The following MALRD1 variants were observed in gnomAD, a reference collection of about 807,000 sequenced individuals.
MALRD1 encodes MAM and LDL-receptor class A domain-containing protein 1.
In MALRD1, 247 loss-of-function variants were observed where a neutral mutation model predicts 242.1. The ratio of observed to expected loss-of-function variants is 1.02; its 90% CI spans 0.92 to 1.13. MALRD1 has a LOEUF of 1.13. MALRD1 is among the 50% of genes most tolerant of loss of function. The pLI is 0.00. For missense variants in MALRD1, 2,989 were observed against 2,533.1 expected, an observed-to-expected ratio of 1.18 and a Z score of -3.86; for synonymous variants, 995 against 866.6, an observed-to-expected ratio of 1.15 and a Z score of -2.60.
chr10:19,713,755 T>C (rs1222494023), intron 38 of MALRD1, among the ~76,000 whole-genome samples: 1 of 152,180 alleles, frequency 6.6e-6, no homozygotes, highest in Non-Finnish European at 1.5e-5. Context: ...GACACCCTCA[T>C]GGTAAAATGC....
At chr10:19,457,754 T>A (rs1175874027) in intron 29 of MALRD1, among the ~76,000 whole-genome samples, 1 of 149,258 alleles carries the variant, frequency 6.7e-6, no homozygotes. Context: ...GCCAATGATT[T>A]CAAATGGTCT....
At chr10:19,210,792 G>A (rs532569654) in intron 18 of MALRD1, among the ~76,000 whole-genome samples, 9 of 152,274 alleles carry the variant, frequency 5.9e-5, no homozygotes, top group East Asian at 1.9e-4. Flanking sequence ...GCATGAGAAC[G>A]AATCCCCCAT....
Position 19,373,235 on chromosome 10 carries a change from C to T in MALRD1, c.4442-14293C>T, listed in dbSNP as rs796606039. ...AAAAAAAAAAATAAGGGGCCGGGCA[C>T]GGTGGCTCATGCGTGTAATCCCAGC... On this transcript the variant is annotated intron_variant, in intron 26 of 39. Transcript: ENST00000454679. Among the ~76,000 whole-genome samples the T allele has an allele frequency of 3.8e-3, 411 of 107,674 alleles. 3 individuals are homozygous for T. Among genetic ancestry groups the T allele is most frequent in the African/African-American group, 0.015 (391 of 26,502 alleles). 70.6% of individuals were successfully genotyped at this position (107,674 alleles called of 152,430 possible).
chr10:19,143,984 A>C (rs1049420048), intron 10 of MALRD1, among the ~76,000 whole-genome samples: 4 of 152,196 alleles, frequency 2.6e-5, no homozygotes, highest in African/African-American at 9.7e-5. Context: ...CATATCCTAT[A>C]AATTATGTAG....
chr10:19,133,943 T>C lies in MALRD1; in HGVS notation c.1198T>C (p.Phe400Leu). 2 of 1,224,614 alleles carry C rather than the reference T, an allele frequency of 1.6e-6. No individual in the cohort carries two copies. The highest frequency in any genetic ancestry group is 2.0e-6 in the Non-Finnish European group (2 of 981,648). The allele number at this position is 1,224,614 out of a possible 1,614,324, so 75.9% of individuals were successfully genotyped here. A position where few individuals can be genotyped will look rare whatever the true frequency, so the allele number is the denominator to read the frequency against. Residue 400 changes from phenylalanine to leucine, a missense_variant, in exon 9 of 40, where the codon TTT (phenylalanine) becomes CTT (leucine). By Grantham distance (22) the Phe-to-Leu change is conservative. Coordinates refer to ENST00000454679, the MANE Select transcript of MALRD1 (RefSeq NM_001142308.3). The stretch of plus-strand genomic sequence containing the variant: ...GTTAATACCAGAAGATCTGAAGACA[T>C]TTAAGGTATGAAAGAAAAAAAAAAA... ...DVLIPEDLKT[F>L]KIIFEGTLLS...
chr10:19,113,253 A>T (rs1836743673), intron 5 of MALRD1, among the ~76,000 whole-genome samples: 1 of 152,110 alleles, frequency 6.6e-6, no homozygotes, highest in South Asian at 2.1e-4. Context: ...TTTTATCATG[A>T]TATTAGCTCC....
chr10:19,352,283 T>G lies in MALRD1; in HGVS notation c.4427T>G (p.Val1476Gly), dbSNP rs886902439. The G allele has an allele frequency of 6.5e-7, 1 of 1,542,762 alleles. No individual in the cohort carries two copies. The highest frequency in any genetic ancestry group is 8.7e-7 in the Non-Finnish European group (1 of 1,145,272). The change falls in exon 26 of 40, where the codon GTG becomes GGG. Residue 1476 changes from valine (V) to glycine (G), a missense_variant. Val to Gly is a moderately radical substitution (Grantham distance 109). Transcript: ENST00000454679. ...LHDSVQEELA[V>G]PLPTGFCPLG... ...GATTCCGTGCAAGAAGAACTGGCAG[T>G]GCCTCTTCCAACAGGTACATTCTAA...
intron 33 of MALRD1, among the ~76,000 whole-genome samples, chr10:19,577,232 G>A (rs945740166): frequency 6.6e-6 from 1 of 152,028 alleles, no homozygotes; most frequent in African/African-American, 2.4e-5. Context: ...TGATTATCAG[G>A]CAATCCTGAT....
At chr10:19,161,757 C>T (rs1378568692) in intron 12 of MALRD1, among the ~76,000 whole-genome samples, 4 of 152,124 alleles carry the variant, frequency 2.6e-5, no homozygotes, top group African/African-American at 9.7e-5. Context: ...AGGCCAGGCG[C>T]AGTGGCTCTG....
At chr10:19,399,677 T>C (rs905496836) in intron 28 of MALRD1, among the ~76,000 whole-genome samples, 4 of 152,204 alleles carry the variant, frequency 2.6e-5, no homozygotes, top group Admixed American at 6.6e-5. Flanking sequence ...CTTATCTCTG[T>C]AAGAAATGAA....
intron 31 of MALRD1, among the ~76,000 whole-genome samples, chr10:19,514,486 A>G (rs1833542496): frequency 6.6e-6 from 1 of 152,162 alleles, no homozygotes; most frequent in South Asian, 2.1e-4. Flanking sequence ...AAGTTAGTTC[A>G]ACGTCAAAAG....
chr10:19,181,407 TC>T (rs1446286806), intron 14 of MALRD1, among the ~76,000 whole-genome samples: 1 of 152,168 alleles, frequency 6.6e-6, no homozygotes, highest in Non-Finnish European at 1.5e-5. Context: ...ATTTTTCACA[TC>T]CTAGGTGAAT....
chr10:19,448,237 A>G (rs1239773122), intron 28 of MALRD1, among the ~76,000 whole-genome samples: 1 of 151,996 alleles, frequency 6.6e-6, no homozygotes, highest in East Asian at 1.9e-4. Context: ...TACACATTTC[A>G]TACCTATATG....
At chr10:19,714,110 C>G (rs1834269046) in intron 38 of MALRD1, among the ~76,000 whole-genome samples, 1 of 152,118 alleles carries the variant, frequency 6.6e-6, no homozygotes, top group African/African-American at 2.4e-5. Flanking sequence ...TTATTCAGCT[C>G]CATTAGACCC....
chr10:19,597,019 T>G (rs1838132598), intron 34 of MALRD1, among the ~76,000 whole-genome samples: 1 of 152,084 alleles, frequency 6.6e-6, no homozygotes, highest in African/African-American at 2.4e-5. Flanking sequence ...GAGATGACCT[T>G]GGGATGTTTA....
At chr10:19,573,959 G>T (rs1836680459) in intron 33 of MALRD1, among the ~76,000 whole-genome samples, 2 of 152,134 alleles carry the variant, frequency 1.3e-5, no homozygotes, top group Admixed American at 1.3e-4. Context: ...TAGACCTTCG[G>T]AGAGTGAATG....
intron 28 of MALRD1, among the ~76,000 whole-genome samples, chr10:19,408,393 G>C (rs568771460): frequency 6.6e-6 from 1 of 152,104 alleles, no homozygotes; most frequent in South Asian, 2.1e-4. Context: ...CTTCACACGT[G>C]GTTTCTCTTC....
intron 5 of MALRD1, among the ~76,000 whole-genome samples, chr10:19,105,621 G>A (rs954074412): frequency 6.6e-6 from 1 of 151,960 alleles, no homozygotes; most frequent in Non-Finnish European, 1.5e-5. Context: ...TGTTCTATAT[G>A]AGTGTACTAA....
At position 19,515,770 on chromosome 10, in the gene MALRD1, A is replaced by G. The variant is rs566460015; in HGVS notation, c.5321-15424A>G. Among the ~76,000 whole-genome samples, 6 of 152,024 alleles carry G rather than the reference A, an allele frequency of 3.9e-5. No individual in the cohort carries two copies. The East Asian group carries it at 7.8e-4, about 20-fold the overall frequency. ...TTTTTAGTAGAGATGGGGTTTCACCATGTTAGCCAGGATGGTCTCAATCTC... is the reference window on the plus strand; with the variant it reads ...TTTTTAGTAGAGATGGGGTTTCACCGTGTTAGCCAGGATGGTCTCAATCTC... On this transcript the variant is annotated intron_variant, in intron 31 of 39. Coordinates refer to ENST00000454679, the MANE Select transcript of MALRD1 (RefSeq NM_001142308.3).
Sources: gnomAD v4.1 joint callset for allele counts (sites outside exome capture counted in the v4.1 genomes callset) on GRCh38, gnomAD v4.1.1 for gene constraint, MANE v1.5 for transcripts, NCBI Gene and HGNC (gene_info 2026-07-23, HGNC 2026-07-21) for gene names.